Variants in RPTOR observed in about 807,000 individuals in gnomAD.
The protein encoded by RPTOR is regulatory-associated protein of mTOR.
In RPTOR, 21 loss-of-function variants were observed where a neutral mutation model predicts 169.9. That is an observed-to-expected ratio of 0.12 (90% CI 0.09 to 0.18). The LOEUF (loss-of-function observed/expected upper bound fraction) is 0.18. Ranked by LOEUF, RPTOR falls within the 10% of genes least tolerant of loss-of-function variation. The pLI, the probability that RPTOR is intolerant of heterozygous loss-of-function variation, is 1.00. For missense variants in RPTOR, 1,133 were observed against 1,855.9 expected (o/e 0.61, Z 7.16); for synonymous variants, 732 against 753.2 (o/e 0.97, Z 0.46).
intron 32 of RPTOR, 65 bp from the exon 33 acceptor site, chr17:80,962,863 T>C: frequency 6.2e-7 from 1 of 1,605,502 alleles, no homozygotes; most frequent in Non-Finnish European, 8.5e-7. Context: ...GGTCTCGGCA[T>C]CTGCGCCCAT....
At chr17:80,782,779 T>C (rs2066954699) in intron 6 of RPTOR, among the ~76,000 whole-genome samples, 1 of 152,228 alleles carries the variant, frequency 6.6e-6, no homozygotes, top group Non-Finnish European at 1.5e-5. Flanking sequence ...CAGCTTGGCT[T>C]CCTTCAGGCA....
At chr17:80,740,992 G>C (rs573619467) in intron 5 of RPTOR, among the ~76,000 whole-genome samples, 1 of 152,216 alleles carries the variant, frequency 6.6e-6, no homozygotes, top group Non-Finnish European at 1.5e-5. Flanking sequence ...GTGCTACCTC[G>C]CGCCACTAGG....
rs1567846281 is a variant in RPTOR, at chr17:80,665,429, TTTCC to T, written c.348+21622_348+21625del. On this transcript the variant is annotated intron_variant, in intron 3 of 33. Transcript: ENST00000306801. Reference sequence around the variant, plus strand: ...TTTCCTTTCCTTTCCTTTCCTTTCCTTTCCTTTCCTTTCCTTTCCTTTCCTTTCC... The same window carrying T: ...TTTCCTTTCCTTTCCTTTCCTTTCCTTTTCCTTTCCTTTCCTTTCCTTTCC... Among the ~76,000 whole-genome samples, 6 of 14,524 alleles carry T rather than the reference TTTCC, an allele frequency of 4.1e-4. No individual in the cohort carries two copies. The African/African-American group carries it at 4.6e-3, about 11-fold the overall frequency. The allele number at this position is 14,524 out of a possible 152,430, so 9.5% of individuals were successfully genotyped here.
At chr17:80,641,201 G>A (rs1202908006) in intron 2 of RPTOR, among the ~76,000 whole-genome samples, 1 of 152,214 alleles carries the variant, frequency 6.6e-6, no homozygotes, top group Non-Finnish European at 1.5e-5. Flanking sequence ...TGAGAGAAAT[G>A]AAGACCAAAC....
chr17:80,904,020 G>A (rs1485783333), intron 20 of RPTOR, among the ~76,000 whole-genome samples: 7 of 152,240 alleles, frequency 4.6e-5, no homozygotes, highest in Admixed American at 3.3e-4. Flanking sequence ...CCATTATGAT[G>A]TTTGTCTCGT....
At chr17:80,919,677 T>A (rs2068721263) in intron 21 of RPTOR, among the ~76,000 whole-genome samples, 1 of 152,200 alleles carries the variant, frequency 6.6e-6, no homozygotes, top group Non-Finnish European at 1.5e-5. Context: ...CACCTGCACC[T>A]CCATCTTCCA....
In RPTOR at chr17:80,964,786, C is replaced by T. The variant is rs568729444; in HGVS notation, c.*456C>T. 8.7e-5 allele frequency: 21 copies of T among 241,276 alleles called. 1 individual carries two copies. In the South Asian group the frequency reaches 1.6e-3, roughly 18 times the overall value. 14.9% of individuals were successfully genotyped at this position (241,276 alleles called of 1,614,324 possible). ...CATCAGGCCAAGAGCGAGCGAGAGG[C>T]GCTGCCCCAGCCAGGCCCACCACCT... On this transcript the variant is annotated 3_prime_UTR_variant, in exon 34 of 34. Transcript: ENST00000306801.
chr17:80,901,733 A>G (rs2068478082), intron 20 of RPTOR, among the ~76,000 whole-genome samples: 2 of 152,280 alleles, frequency 1.3e-5, no homozygotes, highest in South Asian at 4.1e-4. Flanking sequence ...TGGAGAGTCC[A>G]TGTCTCCCCA....
intron 28 of RPTOR, among the ~76,000 whole-genome samples, chr17:80,956,086 A>ACGTTGTTGATGAG (rs2069244591): frequency 2.0e-5 from 3 of 152,232 alleles, no homozygotes; most frequent in Non-Finnish European, 4.4e-5. Context: ...AAGGCATGTT[A>ACGTTGTTGATGAG]CGTTGTTGAT....
chr17:80,551,183 T>C (rs1267014558), intron 1 of RPTOR, among the ~76,000 whole-genome samples: 1 of 152,114 alleles, frequency 6.6e-6, no homozygotes, highest in Middle Eastern at 3.2e-3. Context: ...CCATCACACC[T>C]GGCCAGAGGG....
At chr17:80,921,955 C>T (rs975189818) in intron 21 of RPTOR, among the ~76,000 whole-genome samples, 4 of 152,188 alleles carry the variant, frequency 2.6e-5, no homozygotes, top group Non-Finnish European at 5.9e-5. Flanking sequence ...CACAGCCCCT[C>T]GGCCAGGAGG....
chr17:80,730,267 T>C lies in RPTOR; in HGVS notation c.508-293T>C, dbSNP rs2066378742. On this transcript the variant is annotated intron_variant, in intron 4 of 33. Coordinates refer to ENST00000306801, the MANE Select transcript of RPTOR (RefSeq NM_020761.3). This position sits in a 1 kb window ranked among gnomAD's most constrained non-coding sequence, Gnocchi z 4.2. ...GTTTACAGGTGCCCTTCACCATGTC[T>C]GGCTAATTTTGTATTTTTAGTAGAG... 6.6e-6 allele frequency among the ~76,000 whole-genome samples: 1 copy of C among 152,124 alleles called. No individual in the cohort carries two copies.
At chr17:80,857,641 C>CAGAA in intron 12 of RPTOR, 149 bp from the exon 13 acceptor site, 1 of 588,498 alleles carries the variant, frequency 1.7e-6, no homozygotes, top group Non-Finnish European at 3.0e-6. Flanking sequence ...GGAGGAAGCC[C>CAGAA]CTCTTTACTT....
chr17:80,611,768 T>TAA lies in RPTOR; in HGVS notation c.163-13923_163-13922insAA, dbSNP rs200700769. Among the ~76,000 whole-genome samples the TAA allele has an allele frequency of 2.4e-5, 3 of 127,220 alleles. 1 individual carries two copies. Among genetic ancestry groups the TAA allele is most frequent in the African/African-American group, 3.3e-5 (1 of 30,558 alleles). The allele number at this position is 127,220 out of a possible 152,430, so 83.5% of individuals were successfully genotyped here. On this transcript the variant is annotated intron_variant, in intron 1 of 33. Coordinates refer to ENST00000306801, the MANE Select transcript of RPTOR (RefSeq NM_020761.3). ...ATCTTTTATAGCTGTTTTTTTTTTT[T>TAA]TAAAAAAAACAAAATCTACTCATTA...
intron 20 of RPTOR, among the ~76,000 whole-genome samples, chr17:80,905,806 C>T (rs898693305): frequency 1.6e-4 from 24 of 152,264 alleles, no homozygotes; most frequent in Admixed American, 2.6e-4. Flanking sequence ...CCAGGGCCGC[C>T]GGGAGTGGGG....
chr17:80,898,442 T>G (rs2068433253), intron 20 of RPTOR, among the ~76,000 whole-genome samples: 1 of 152,252 alleles, frequency 6.6e-6, no homozygotes. Context: ...TTTTAGGCTT[T>G]GTGGATTTAC....
At chr17:80,706,859 C>T (rs1490198037) in intron 3 of RPTOR, among the ~76,000 whole-genome samples, 1 of 152,194 alleles carries the variant, frequency 6.6e-6, no homozygotes, top group African/African-American at 2.4e-5. Flanking sequence ...AAGCAGGGAG[C>T]ATCTTCCCAT....
chr17:80,731,918 G>A (rs944819655), intron 5 of RPTOR, among the ~76,000 whole-genome samples: 7 of 152,274 alleles, frequency 4.6e-5, no homozygotes, highest in South Asian at 4.1e-4. Context: ...GTGGAACACC[G>A]CAAAAGAGTG....
chr17:80,549,030 C>G (rs1353139225), intron 1 of RPTOR, among the ~76,000 whole-genome samples: 1 of 152,160 alleles, frequency 6.6e-6, no homozygotes, highest in Non-Finnish European at 1.5e-5. Flanking sequence ...TGATGACTCC[C>G]AAGAAGTTTT....
Sources: allele counts gnomAD v4.1 joint callset (sites outside exome capture counted in the v4.1 genomes callset), GRCh38; gene constraint gnomAD v4.1.1; non-coding constraint Gnocchi (gnomAD v3.1); transcripts MANE v1.5; gene names NCBI Gene and HGNC (gene_info 2026-07-23, HGNC 2026-07-21).